DOCK9: variants seen among roughly 807,000 people sequenced by gnomAD.
The protein encoded by DOCK9 is dedicator of cytokinesis protein 9.
Under a neutral mutation model 263.3 loss-of-function variants are expected in DOCK9, and 89 were observed. The ratio of observed to expected loss-of-function variants is 0.34; its 90% CI spans 0.28 to 0.40. The LOEUF (loss-of-function observed/expected upper bound fraction) is 0.40. Ranked by LOEUF, DOCK9 falls within the 10% of genes least tolerant of loss-of-function variation. The pLI, the probability that DOCK9 is intolerant of heterozygous loss-of-function variation, is 1.00. For missense variants in DOCK9, 2,140 were observed against 2,603.4 expected, an observed-to-expected ratio of 0.82 and a Z score of 3.87; for synonymous variants, 976 against 973.1, an observed-to-expected ratio of 1.00 and a Z score of -0.06.
At chr13:98,974,748 C>CAAAAAAA (rs57196019) in intron 1 of DOCK9, among the ~76,000 whole-genome samples, 3 of 33,212 alleles carry the variant, frequency 9.0e-5, no homozygotes, top group African/African-American at 1.1e-4. Context: ...AACTCTGTCT[C>CAAAAAAA]AAAAAAAAAA....
intron 7 of DOCK9, 61 bp downstream of exon 7, chr13:98,920,893 T>C (rs1444880219): frequency 2.7e-6 from 4 of 1,475,816 alleles, no homozygotes; most frequent in Non-Finnish European, 2.7e-6. Context: ...AATCTGCTAA[T>C]TTACACATAA....
intron 1 of DOCK9, among the ~76,000 whole-genome samples, chr13:99,054,766 C>T (rs556996020): frequency 6.6e-6 from 1 of 152,218 alleles, no homozygotes; most frequent in Non-Finnish European, 1.5e-5. Context: ...AAATCAAGCA[C>T]TATCACAAGC....
At chr13:98,881,409 C>G (rs2044734362) in intron 25 of DOCK9, 149 bp downstream of exon 25, 3 of 591,484 alleles carry the variant, frequency 5.1e-6, no homozygotes, top group African/African-American at 3.7e-5. Flanking sequence ...CTCCCCTATT[C>G]AGGTACAAGC....
At position 99,066,281 on chromosome 13, in the gene DOCK9, A is replaced by T. The variant is rs370478833; in HGVS notation, c.129+19942T>A. Among the ~76,000 whole-genome samples, 248 of 152,366 alleles carry T rather than the reference A, an allele frequency of 1.6e-3. 9 individuals are homozygous for T. The South Asian group carries it at 0.048, about 29-fold the overall frequency. On this transcript the variant is annotated intron_variant, in intron 1 of 32. Transcript: ENST00000427887. ...AAAGCCCCCAAGCTAAGTATTCAGCATCTTTTACAATCACTAAAACCCAAG... is the reference window on the plus strand; with the variant it reads ...AAAGCCCCCAAGCTAAGTATTCAGCTTCTTTTACAATCACTAAAACCCAAG...
intron 1 of DOCK9, among the ~76,000 whole-genome samples, chr13:99,037,234 C>G (rs1461647422): frequency 6.6e-6 from 1 of 151,736 alleles, no homozygotes; most frequent in African/African-American, 2.4e-5. Flanking sequence ...AATCACATAC[C>G]TGATTAAAGA....
chr13:98,860,177 G>A lies in DOCK9; in HGVS notation c.3697+228C>T, dbSNP rs1334074227. 1.7e-5 allele frequency: 23 copies of A among 1,369,516 alleles called. No homozygotes were observed. The East Asian group carries it at 5.6e-4, about 33-fold the overall frequency. 84.8% of individuals were successfully genotyped at this position (1,369,516 alleles called of 1,614,324 possible). The stretch of plus-strand genomic sequence containing the variant: ...AACAAAAAGCAAACAGCGTGAGCCA[G>A]TGATTAACTGTATGATCCTGAGGAG... On this transcript the variant is annotated intron_variant, in intron 33 of 52. Coordinates refer to ENST00000682017, the MANE Select transcript of DOCK9 (RefSeq NM_001366683.2).
Position 98,941,916 on chromosome 13 carries a change from T to C in DOCK9, c.244-11659A>G, listed in dbSNP as rs567165844. ...CTCTCCTGGATGGTAGTTATCTCTT[T>C]GGATTCTCAAACATCTGTGAGAACC... On this transcript the variant is annotated intron_variant, in intron 2 of 52. Coordinates refer to ENST00000682017, the MANE Select transcript of DOCK9 (RefSeq NM_001366683.2). Among the ~76,000 whole-genome samples, 202 of 152,382 alleles carry C rather than the reference T, an allele frequency of 1.3e-3. 1 individual carries two copies. Among genetic ancestry groups the C allele is most frequent in the Non-Finnish European group, 2.2e-3 (148 of 68,042 alleles).
chr13:98,991,038 T>A lies in DOCK9; in HGVS notation c.130-35487A>T, dbSNP rs962822237. On this transcript the variant is annotated intron_variant, in intron 1 of 32. Transcript: ENST00000427887. ...CACACAATCTAGTTCAAGAGTACGA[T>A]GTCTGAAAGTGGACTAAAAGGGATG... Among the ~76,000 whole-genome samples, 5 of 152,120 alleles carry A rather than the reference T, an allele frequency of 3.3e-5. No homozygotes were observed. In the East Asian group the frequency reaches 9.7e-4, roughly 29 times the overall value.
intron 52 of DOCK9, among the ~76,000 whole-genome samples, chr13:98,795,176 G>A (rs7982436): frequency 7.9e-5 from 12 of 152,196 alleles, no homozygotes; most frequent in African/African-American, 2.4e-4. Context: ...TTAAGGCAAC[G>A]TGAGGTCTAC....
chr13:98,818,456 A>G (rs2092047522), intron 45 of DOCK9, among the ~76,000 whole-genome samples: 1 of 152,102 alleles, frequency 6.6e-6, no homozygotes, highest in Non-Finnish European at 1.5e-5. Context: ...AATCCAGACA[A>G]TGGTCAGATA....
chr13:98,951,138 C>T (rs542493598), intron 2 of DOCK9, among the ~76,000 whole-genome samples: 4 of 152,062 alleles, frequency 2.6e-5, no homozygotes, highest in Non-Finnish European at 5.9e-5. Context: ...CTCAGATTTA[C>T]GCCAAATAAA....
intron 1 of DOCK9, among the ~76,000 whole-genome samples, chr13:98,957,817 C>G (rs1414148135): frequency 2.0e-5 from 3 of 152,216 alleles, no homozygotes; most frequent in African/African-American, 7.2e-5. Context: ...ACAAAGAGGT[C>G]AGATGGACCA....
intron 1 of DOCK9, among the ~76,000 whole-genome samples, chr13:99,069,001 T>C (rs2041554125): frequency 6.6e-6 from 1 of 152,248 alleles, no homozygotes; most frequent in Non-Finnish European, 1.5e-5. Context: ...ACTCTTTCTA[T>C]AATAATACAG....
At chr13:98,840,138 A>C (rs1032142938) in intron 38 of DOCK9, among the ~76,000 whole-genome samples, 1 of 152,252 alleles carries the variant, frequency 6.6e-6, no homozygotes, top group African/African-American at 2.4e-5. Flanking sequence ...TTGAATCAAC[A>C]ATCACCATGG....
rs1887421307 is a variant in DOCK9, at chr13:99,032,244, GC to G, written c.129+53978del. Among the ~76,000 whole-genome samples the G allele has an allele frequency of 1.3e-5, 2 of 152,182 alleles. 1 individual carries two copies. Among genetic ancestry groups the G allele is most frequent in the South Asian group, 4.1e-4 (2 of 4,832 alleles). On this transcript the variant is annotated intron_variant, in intron 1 of 32. Transcript: ENST00000427887. Reference sequence around the variant, plus strand: ...CTAGCACTTTGGGAGGCCTAGGCAGGCCGATTGTCTAAGCTCAGGAGTTCGA... The same window carrying G: ...CTAGCACTTTGGGAGGCCTAGGCAGGCGATTGTCTAAGCTCAGGAGTTCGA...
At chr13:99,049,643 T>C (rs560593240) in intron 1 of DOCK9, among the ~76,000 whole-genome samples, 8 of 152,234 alleles carry the variant, frequency 5.3e-5, no homozygotes, top group African/African-American at 1.9e-4. Context: ...CCCACCCACA[T>C]AGCTGGGACC....
At chr13:98,897,034 A>G (rs139686569) in intron 15 of DOCK9, among the ~76,000 whole-genome samples, 5,106 of 152,328 alleles carry the variant, frequency 0.034, 136 homozygotes, top group Middle Eastern at 0.092. Context: ...CAAGCTAAGC[A>G]ACAACTGGTG....
intron 3 of DOCK9, among the ~76,000 whole-genome samples, chr13:98,926,557 T>G (rs1330670489): frequency 6.6e-6 from 1 of 152,242 alleles, no homozygotes; most frequent in East Asian, 1.9e-4. Context: ...TCAAACTACC[T>G]CGCCACATGA....
chr13:98,897,435 C>T, intron 15 of DOCK9, 53 bp downstream of exon 15: 1 of 1,600,780 alleles, frequency 6.2e-7, no homozygotes, highest in Non-Finnish European at 8.5e-7. Context: ...TTCCTCCCTC[C>T]CCACTACACA....
Sources: gnomAD v4.1 joint callset for allele counts (sites outside exome capture counted in the v4.1 genomes callset) on GRCh38, gnomAD v4.1.1 for gene constraint, MANE v1.5 for transcripts, NCBI Gene and HGNC (gene_info 2026-07-23, HGNC 2026-07-21) for gene names.